Variants in SGCZ observed in about 807,000 individuals in gnomAD.
SGCZ encodes zeta-sarcoglycan.
In SGCZ, 40 loss-of-function variants were observed where a neutral mutation model predicts 41.3. The ratio of observed to expected loss-of-function variants is 0.97; its 90% confidence interval spans 0.75 to 1.26. The LOEUF is 1.26. Ranked by LOEUF, SGCZ falls within the 50% of genes most tolerant of loss-of-function variation. The pLI, the probability that SGCZ is intolerant of heterozygous loss-of-function variation, is 0.00. For synonymous variants in SGCZ, 206 were observed against 137.5 expected, an observed-to-expected ratio of 1.50 and a Z score of -3.49; for missense variants, 552 against 369.8, an observed-to-expected ratio of 1.49 and a Z score of -4.04.
chr8:14,414,621 G>C (rs1006621500), intron 2 of SGCZ, among the ~76,000 whole-genome samples: 2 of 151,890 alleles, frequency 1.3e-5, no homozygotes, highest in African/African-American at 4.8e-5. Context: ...TGTGTGATAT[G>C]TCACCTCCAA....
intron 2 of SGCZ, among the ~76,000 whole-genome samples, chr8:14,455,907 G>T (rs1800729609): frequency 6.6e-6 from 1 of 152,146 alleles, no homozygotes; most frequent in African/African-American, 2.4e-5. Context: ...CATGTTTATG[G>T]TTCAATTTAC....
At chr8:15,043,767 G>A (rs1804198736) in intron 1 of SGCZ, among the ~76,000 whole-genome samples, 1 of 152,082 alleles carries the variant, frequency 6.6e-6, no homozygotes, top group Middle Eastern at 3.4e-3. Flanking sequence ...TAAAATTTGT[G>A]AGCCAAAAAA....
At chr8:14,582,958 G>A (rs1032302376) in intron 1 of SGCZ, among the ~76,000 whole-genome samples, 37 of 151,898 alleles carry the variant, frequency 2.4e-4, no homozygotes, top group African/African-American at 4.3e-4. Context: ...GAATAGTGCC[G>A]CAATAAAAAT....
chr8:14,551,215 T>G (rs933445597), intron 2 of SGCZ, among the ~76,000 whole-genome samples: 4 of 148,738 alleles, frequency 2.7e-5, no homozygotes, highest in Non-Finnish European at 5.9e-5. Flanking sequence ...TTTATTATTG[T>G]AACAATCTTC....
At chr8:15,136,350 C>A (rs1160382754) in intron 1 of SGCZ, among the ~76,000 whole-genome samples, 1 of 151,986 alleles carries the variant, frequency 6.6e-6, no homozygotes, top group Non-Finnish European at 1.5e-5. Context: ...AGGAGAGCTT[C>A]AGGTGCCCTG....
intron 1 of SGCZ, among the ~76,000 whole-genome samples, chr8:14,872,565 T>G (rs919479942): frequency 2.6e-5 from 4 of 152,124 alleles, no homozygotes; most frequent in African/African-American, 9.7e-5. Flanking sequence ...CTTCTAATTC[T>G]TTATGAGCAG....
At chr8:14,532,753 T>G (rs536322327) in intron 2 of SGCZ, among the ~76,000 whole-genome samples, 1 of 150,682 alleles carries the variant, frequency 6.6e-6, no homozygotes, top group Non-Finnish European at 1.5e-5. Context: ...CATAATACAA[T>G]AAGTGAAAAA....
At chr8:15,144,996 G>A (rs1023773331) in intron 1 of SGCZ, among the ~76,000 whole-genome samples, 3 of 152,170 alleles carry the variant, frequency 2.0e-5, no homozygotes, top group Non-Finnish European at 4.4e-5. Context: ...AAACTCCTGT[G>A]ATTTTAGCTG....
At chr8:14,296,029 A>C (rs1800999854) in intron 3 of SGCZ, among the ~76,000 whole-genome samples, 1 of 152,148 alleles carries the variant, frequency 6.6e-6, no homozygotes, top group Non-Finnish European at 1.5e-5. Context: ...TCAGACCAGA[A>C]GGTGGAGAGA....
At chr8:14,808,464 C>CA (rs1326370721) in intron 1 of SGCZ, among the ~76,000 whole-genome samples, 2 of 151,948 alleles carry the variant, frequency 1.3e-5, no homozygotes, top group African/African-American at 2.4e-5. Flanking sequence ...TTTATGCAGC[C>CA]AAAAAACACA....
intron 1 of SGCZ, among the ~76,000 whole-genome samples, chr8:14,865,657 C>T (rs1803906921): frequency 6.6e-6 from 1 of 151,972 alleles, no homozygotes; most frequent in Admixed American, 6.6e-5. Flanking sequence ...ACATAAGGGG[C>T]CAGGCCAACA....
chr8:14,863,365 C>A (rs1323854716), intron 1 of SGCZ, among the ~76,000 whole-genome samples: 2 of 152,046 alleles, frequency 1.3e-5, no homozygotes, highest in Non-Finnish European at 2.9e-5. Context: ...CTCTCTGTCA[C>A]CCAGGCTGGA....
chr8:14,975,727 C>A (rs545407273), intron 1 of SGCZ, among the ~76,000 whole-genome samples: 1 of 151,118 alleles, frequency 6.6e-6, no homozygotes, highest in Non-Finnish European at 1.5e-5. Context: ...TTTTCTCTTA[C>A]GAAATAGTAT....
intron 1 of SGCZ, among the ~76,000 whole-genome samples, chr8:15,197,205 G>A (rs1262661610): frequency 1.3e-5 from 2 of 152,128 alleles, no homozygotes; most frequent in East Asian, 3.9e-4. Context: ...ACCCTGTCAG[G>A]TGTCTTTATT....
intron 4 of SGCZ, among the ~76,000 whole-genome samples, chr8:14,237,151 G>C (rs959277605): frequency 6.6e-6 from 1 of 152,016 alleles, no homozygotes; most frequent in African/African-American, 2.4e-5. Flanking sequence ...CATATGCTAT[G>C]AAAATATTTC....
In SGCZ at chr8:14,087,623, G is replaced by T. The variant is rs1465075393; in HGVS notation, c.*2820C>A. 6.6e-6 allele frequency among the ~76,000 whole-genome samples: 1 copy of T among 151,118 alleles called. No individual in the cohort carries two copies. Among genetic ancestry groups the T allele is most frequent in the Non-Finnish European group, 1.5e-5 (1 of 67,690 alleles). ...AAGATGAAATTTATATAAGTAAACT[G>T]CATTTTATTTATACATATTGTAACA... is the stretch of plus-strand genomic sequence containing the variant. On this transcript the variant is annotated 3_prime_UTR_variant, in exon 8 of 8. Transcript: ENST00000382080.
At chr8:14,502,236 A>G (rs1802176300) in intron 2 of SGCZ, among the ~76,000 whole-genome samples, 1 of 152,134 alleles carries the variant, frequency 6.6e-6, no homozygotes, top group South Asian at 2.1e-4. Context: ...CAATACAAAA[A>G]AGGATTTTTA....
At chr8:14,153,042 G>A (rs1357429055) in intron 5 of SGCZ, among the ~76,000 whole-genome samples, 1 of 152,104 alleles carries the variant, frequency 6.6e-6, no homozygotes, top group Non-Finnish European at 1.5e-5. Flanking sequence ...GAAAAGGAGT[G>A]AGGTTTCAAA....
intron 1 of SGCZ, among the ~76,000 whole-genome samples, chr8:14,779,762 G>A (rs1296202157): frequency 6.6e-6 from 1 of 152,130 alleles, no homozygotes; most frequent in Admixed American, 6.5e-5. Context: ...GGATTCAACA[G>A]TAGCAGAGCA....
Sources: gnomAD v4.1 joint callset for allele counts (sites outside exome capture counted in the v4.1 genomes callset) on GRCh38, gnomAD v4.1.1 for gene constraint, MANE v1.5 for transcripts, NCBI Gene and HGNC (gene_info 2026-07-23, HGNC 2026-07-21) for gene names.